ZNF704: variants seen among roughly 807,000 people sequenced by gnomAD.
The protein encoded by ZNF704 is glucocorticoid induced gene 1.
ZNF704 carries 10 observed loss-of-function variants against 44.7 expected under a neutral mutation model. That is an observed-to-expected ratio of 0.22 (90% CI 0.14 to 0.38). The LOEUF is 0.38. Among genes scored for constraint, ZNF704 ranks in the 10% least tolerant of loss-of-function variants. ZNF704 has a pLI of 1.00. For missense variants in ZNF704, 390 were observed against 545.5 expected (o/e 0.71, Z 2.84); for synonymous variants, 211 against 207.6 (o/e 1.02, Z -0.14).
chr8:80,693,249 G>A (rs1405364342), intron 2 of ZNF704, 142 bp from the exon 3 acceptor site: 2 of 700,950 alleles, frequency 2.9e-6, no homozygotes, highest in Non-Finnish European at 5.0e-6. Flanking sequence ...TTTTATAGAT[G>A]AGGAAGCTGA....
intron 2 of ZNF704, among the ~76,000 whole-genome samples, chr8:80,744,422 A>G (rs543182884): frequency 6.6e-6 from 1 of 152,314 alleles, no homozygotes; most frequent in Non-Finnish European, 1.5e-5. Flanking sequence ...ATTACATGAG[A>G]ACACAAAATG....
intron 4 of ZNF704, among the ~76,000 whole-genome samples, chr8:80,685,988 T>A (rs570489868): frequency 6.6e-6 from 1 of 152,258 alleles, no homozygotes; most frequent in African/African-American, 2.4e-5. Flanking sequence ...CCAATACATA[T>A]AACAACAGTT....
At position 80,839,032 on chromosome 8, in the gene ZNF704, G is replaced by A. The variant is rs111376175; in HGVS notation, c.-21-17417C>T. ...AGTTCCGGCCCAGAGGCCTGGCTTCGGCTGTCTCTGGGCTTTAAAGTCTTG... is the reference window on the plus strand; with the variant it reads ...AGTTCCGGCCCAGAGGCCTGGCTTCAGCTGTCTCTGGGCTTTAAAGTCTTG... On this transcript the variant is annotated intron_variant, in intron 1 of 8. Coordinates refer to ENST00000327835, the MANE Select transcript of ZNF704 (RefSeq NM_001033723.3). Among the ~76,000 whole-genome samples, 59 of 152,298 alleles carry A rather than the reference G, an allele frequency of 3.9e-4. No homozygotes were observed. The East Asian group carries it at 8.1e-3, about 21-fold the overall frequency.
At chr8:80,701,237 G>C (rs917306305) in intron 2 of ZNF704, among the ~76,000 whole-genome samples, 3 of 151,946 alleles carry the variant, frequency 2.0e-5, no homozygotes, top group South Asian at 4.1e-4. Context: ...TCCTCGGCAC[G>C]CATCCTACCT....
chr8:80,698,650 A>G (rs1374849845), intron 2 of ZNF704, among the ~76,000 whole-genome samples: 2 of 152,304 alleles, frequency 1.3e-5, no homozygotes, highest in East Asian at 3.9e-4. Flanking sequence ...TTGACAACCA[A>G]TCTTTTATCT....
At chr8:80,793,385 T>C (rs906913092) in intron 2 of ZNF704, among the ~76,000 whole-genome samples, 1 of 152,110 alleles carries the variant, frequency 6.6e-6, no homozygotes, top group African/African-American at 2.4e-5. Context: ...ATGGGAGAGA[T>C]AAACCCCAAA....
Position 80,630,428 on chromosome 8 carries a change from G to T in ZNF704, c.*10938C>A, listed in dbSNP as rs1817564842. ...TTACTTGTTTAGCAGGCACTAAAAAGCAATGTTTTCTACTGATTGCATTTC... is the reference window on the plus strand; with the variant it reads ...TTACTTGTTTAGCAGGCACTAAAAATCAATGTTTTCTACTGATTGCATTTC... On this transcript the variant is annotated 3_prime_UTR_variant, in exon 9 of 9. Coordinates refer to ENST00000327835, the MANE Select transcript of ZNF704 (RefSeq NM_001033723.3). 6.6e-6 allele frequency: 1 copy of T among 152,132 alleles called. No homozygotes were observed. The highest frequency in any genetic ancestry group is 1.5e-5 in the Non-Finnish European group (1 of 68,016). The allele number at this position is 152,132 out of a possible 1,614,324, so 9.4% of individuals were successfully genotyped here.
At chr8:80,679,831 A>T (rs564348701) in intron 4 of ZNF704, among the ~76,000 whole-genome samples, 11 of 152,302 alleles carry the variant, frequency 7.2e-5, no homozygotes, top group African/African-American at 2.6e-4. Flanking sequence ...AATCTCACAT[A>T]TGCCTGATGT....
chr8:80,781,758 C>T (rs1159041448), intron 2 of ZNF704, among the ~76,000 whole-genome samples: 1 of 152,192 alleles, frequency 6.6e-6, no homozygotes, highest in East Asian at 1.9e-4. Context: ...CATGGTCCTT[C>T]AGGCATGCCA....
At chr8:80,701,099 T>C (rs112633592) in intron 2 of ZNF704, among the ~76,000 whole-genome samples, 7,296 of 152,180 alleles carry the variant, frequency 0.048, 238 homozygotes, top group Middle Eastern at 0.099. Flanking sequence ...CTGGCCTTGC[T>C]AGCCTTCTGC....
Position 80,664,867 on chromosome 8 carries a change from CTCAACGGCGTCA to C in ZNF704, c.863_874del (p.Met288_Leu291del). ...GTAGAGGGTGGTGGGAGCTGAGCGGCTCAACGGCGTCATCAACTTAGTCTCCGTTTTGGCACA... is the reference window on the plus strand; with the variant it reads ...GTAGAGGGTGGTGGGAGCTGAGCGGCTCAACTTAGTCTCCGTTTTGGCACA... On this transcript the variant is annotated inframe_deletion, in exon 6 of 9. Coordinates refer to ENST00000327835, the MANE Select transcript of ZNF704 (RefSeq NM_001033723.3). 1 of 1,614,192 alleles carries C rather than the reference CTCAACGGCGTCA, an allele frequency of 6.2e-7. No individual in the cohort carries two copies. Among genetic ancestry groups the C allele is most frequent in the Non-Finnish European group, 8.5e-7 (1 of 1,180,036 alleles).
In ZNF704 at chr8:80,629,172, A is replaced by G. The variant is rs1817546981; in HGVS notation, c.*12194T>C. 6.6e-6 allele frequency: 1 copy of G among 152,232 alleles called. No homozygotes were observed. The highest frequency in any genetic ancestry group is 6.5e-5 in the Admixed American group (1 of 15,280). 9.4% of individuals were successfully genotyped at this position (152,232 alleles called of 1,614,324 possible). A position where few individuals can be genotyped will look rare whatever the true frequency, so the allele number is the denominator to read the frequency against. ...ATTTAAACATTCAACAAATCTATGTACAATGTGCCAGAAGCTGGCAAGGAG... is the reference window on the plus strand; with the variant it reads ...ATTTAAACATTCAACAAATCTATGTGCAATGTGCCAGAAGCTGGCAAGGAG... On this transcript the variant is annotated 3_prime_UTR_variant, in exon 9 of 9. Transcript: ENST00000327835.
intron 1 of ZNF704, among the ~76,000 whole-genome samples, chr8:80,844,416 T>C (rs1243951465): frequency 1.3e-5 from 2 of 152,178 alleles, no homozygotes; most frequent in Non-Finnish European, 2.9e-5. Context: ...CCTCTTCTTT[T>C]AAGCACACGA....
Position 80,821,490 on chromosome 8 carries a change from T to C in ZNF704, c.105A>G (p.Ala35=). The C allele has an allele frequency of 6.2e-7, 1 of 1,614,192 alleles. No individual in the cohort carries two copies. Among genetic ancestry groups the C allele is most frequent in the Non-Finnish European group, 8.5e-7 (1 of 1,180,006 alleles). Residue 35 remains alanine, a synonymous_variant, in exon 2 of 9, where the codon GCA becomes GCG. Transcript: ENST00000327835. ...GGATCCGGCTGGCTTTTTTGGTGTC[T>C]GCTGTTTTCACATCTTCCTCCATGG... ...SLAMEEDVKT[A]DTKKASRILD...
intron 2 of ZNF704, among the ~76,000 whole-genome samples, chr8:80,782,939 A>T (rs941464087): frequency 3.9e-5 from 6 of 152,164 alleles, no homozygotes; most frequent in African/African-American, 7.2e-5. Context: ...GCACTTATTG[A>T]AAAAAATCCA....
At chr8:80,869,610 G>T (rs1011931788) in intron 1 of ZNF704, among the ~76,000 whole-genome samples, 1 of 152,176 alleles carries the variant, frequency 6.6e-6, no homozygotes, top group African/African-American at 2.4e-5. Flanking sequence ...CTTTCCTCCT[G>T]TAGTTTTTTC....
intron 2 of ZNF704, among the ~76,000 whole-genome samples, chr8:80,736,263 G>A (rs1187086554): frequency 6.6e-6 from 1 of 152,134 alleles, no homozygotes; most frequent in African/African-American, 2.4e-5. Context: ...AATGTTGGTA[G>A]CCCATATTTA....
rs146528314 is a variant in ZNF704 at position 80,649,025 on chromosome 8, T to C, written c.1033-5896A>G. On this transcript the variant is annotated intron_variant, in intron 7 of 8. Transcript: ENST00000327835. ...TGGTCTCTGCATTTCAATTTGTTTA[T>C]TTCTTAACCATTTCCAAGTTCTATT... 4.4e-3 allele frequency among the ~76,000 whole-genome samples: 669 copies of C among 152,340 alleles called. 6 individuals are homozygous for C. Among genetic ancestry groups the C allele is most frequent in the African/African-American group, 0.015 (623 of 41,580 alleles).
intron 2 of ZNF704, among the ~76,000 whole-genome samples, chr8:80,699,024 A>G (rs533560599): frequency 4.6e-5 from 7 of 152,336 alleles, no homozygotes; most frequent in African/African-American, 1.7e-4. Context: ...AACAAATGGA[A>G]GTAAAAATGA....
Sources: gnomAD v4.1 joint callset for allele counts (sites outside exome capture counted in the v4.1 genomes callset) on GRCh38, gnomAD v4.1.1 for gene constraint, MANE v1.5 for transcripts, NCBI Gene and HGNC (gene_info 2026-07-23, HGNC 2026-07-21) for gene names.